Variants in INTS8 observed in about 807,000 individuals in gnomAD.
INTS8 encodes protein kaonashi-1.
In INTS8, 47 loss-of-function variants were observed where a neutral mutation model predicts 138.9. The observed-to-expected ratio is 0.34, with a 90% CI of 0.27 to 0.43. The LOEUF is 0.43. Ranked by LOEUF, INTS8 falls within the 20% of genes least tolerant of loss-of-function variation. The probability of loss-of-function intolerance (pLI) is 1.00; values close to 1 mark genes in which losing one functional copy is unlikely to be tolerated. For missense variants in INTS8, 996 were observed against 1,173.0 expected, an observed-to-expected ratio of 0.85 and a Z score of 2.20; for synonymous variants, 392 against 400.9, an observed-to-expected ratio of 0.98 and a Z score of 0.27.
At chr8:94,865,359 A>G in intron 16 of INTS8, 147 bp from the exon 17 acceptor site, 1 of 612,948 alleles carries the variant, frequency 1.6e-6, no homozygotes, top group Non-Finnish European at 2.8e-6. Flanking sequence ...AATTCCTCAA[A>G]GGTTGTACAG....
chr8:94,853,458 C>T (rs1035907022), intron 13 of INTS8, among the ~76,000 whole-genome samples: 1 of 152,164 alleles, frequency 6.6e-6, no homozygotes, highest in Non-Finnish European at 1.5e-5. Context: ...AGTTATTTAA[C>T]TTCTTTGTGT....
chr8:94,839,025 T>G (rs1815038387), intron 8 of INTS8, among the ~76,000 whole-genome samples: 1 of 152,214 alleles, frequency 6.6e-6, no homozygotes, highest in South Asian at 2.1e-4. Flanking sequence ...TTAATAGCTT[T>G]TAGTTTTACA....
chr8:94,828,900 A>T (rs1814609315), intron 4 of INTS8, 75 bp from the exon 5 acceptor site: 1 of 875,310 alleles, frequency 1.1e-6, no homozygotes, highest in African/African-American at 1.7e-5. Flanking sequence ...TTCAAGAATG[A>T]TGCTCTTAAG....
rs1025262825 is a variant in INTS8, at chr8:94,850,607, G to A, written c.1507+516G>A. 5.1e-4 allele frequency among the ~76,000 whole-genome samples: 41 copies of A among 80,834 alleles called. 1 individual carries two copies. The highest frequency in any genetic ancestry group is 1.9e-3 in the African/African-American group (38 of 20,248). 53.0% of individuals were successfully genotyped at this position (80,834 alleles called of 152,430 possible). ...AGCCTGGGTGACAGAGCGAGACTCC[G>A]ACTCAAAAAAAAAAAAAAAAAAAAG... On this transcript the variant is annotated intron_variant, in intron 12 of 26. Coordinates refer to ENST00000523731, the MANE Select transcript of INTS8 (RefSeq NM_017864.4).
intron 20 of INTS8, among the ~76,000 whole-genome samples, chr8:94,868,966 C>T (rs1816284640): frequency 6.6e-6 from 1 of 150,946 alleles, no homozygotes. Flanking sequence ...GCCACCATGC[C>T]CACCCAGTTT....
Position 94,881,601 on chromosome 8 carries a change from G to T in INTS8, c.*1367G>T. 6.2e-7 allele frequency: 1 copy of T among 1,608,652 alleles called. No homozygotes were observed. Among genetic ancestry groups the T allele is most frequent in the Non-Finnish European group, 8.5e-7 (1 of 1,177,768 alleles). ...GATACCAGTTCTACCCAATCTTGGTGAATTCCAACTTGTTTGCTTAGTTAT... is the reference window on the plus strand; with the variant it reads ...GATACCAGTTCTACCCAATCTTGGTTAATTCCAACTTGTTTGCTTAGTTAT... On this transcript the variant is annotated 3_prime_UTR_variant, in exon 27 of 27. Transcript: ENST00000523731.
At chr8:94,825,440 A>T (rs7465101) in intron 2 of INTS8, among the ~76,000 whole-genome samples, 82,977 of 149,568 alleles carry the variant, frequency 0.55, 23,127 homozygotes, top group East Asian at 0.64. Flanking sequence ...AAAAAAAAAA[A>T]ATAATAAAAT....
chr8:94,856,695 C>T, intron 14 of INTS8, 82 bp from the exon 15 acceptor site: 1 of 1,096,848 alleles, frequency 9.1e-7, no homozygotes. Flanking sequence ...AATCCTTCTC[C>T]TCTTTGCTCT....
chr8:94,834,123 A>G (rs973080175), intron 6 of INTS8, among the ~76,000 whole-genome samples: 2 of 152,152 alleles, frequency 1.3e-5, no homozygotes, highest in Non-Finnish European at 2.9e-5. Flanking sequence ...AAAAAGAAAA[A>G]TTGTTATTTT....
In INTS8 at chr8:94,832,014, C is replaced by T; in HGVS notation, c.593C>T (p.Ser198Phe). The T allele has an allele frequency of 1.2e-6, 2 of 1,600,640 alleles. No homozygotes were observed. The highest frequency in any genetic ancestry group is 1.3e-5 in the African/African-American group (1 of 74,290). ...LKVLKEQAAD[S>F]ILVLEAALKL... ...TAGCTCAAAGAACAAGCTGCTGATT[C>T]TATTTTGGTACTAGAAGCAGCCCTA... The change falls in exon 6 of 27, where the codon TCT (serine) becomes TTT (phenylalanine). Residue 198 changes from serine (S) to phenylalanine (F), a missense_variant. Coordinates refer to ENST00000523731, the MANE Select transcript of INTS8 (RefSeq NM_017864.4).
rs117557734 is a variant in INTS8, at chr8:94,839,760, C to T, written c.1017+1142C>T. On this transcript the variant is annotated intron_variant, in intron 8 of 26. Transcript: ENST00000523731. ...ATTCTTTAACAAGTTGGCTGGGCACCGTGGCTCACACCTGTAATCCCAGCA... is the reference window on the plus strand; with the variant it reads ...ATTCTTTAACAAGTTGGCTGGGCACTGTGGCTCACACCTGTAATCCCAGCA... Among the ~76,000 whole-genome samples, 120 of 152,216 alleles carry T rather than the reference C, an allele frequency of 7.9e-4. 1 individual carries two copies. In the East Asian group the frequency reaches 0.02, roughly 25 times the overall value.
chr8:94,844,763 TTTTTTG>T (rs1178590133), intron 10 of INTS8, among the ~76,000 whole-genome samples: 1 of 151,116 alleles, frequency 6.6e-6, no homozygotes, highest in African/African-American at 2.4e-5. Context: ...TTTTTTTTTT[TTTTTTG>T]TTTGAGACGG....
In INTS8 at chr8:94,849,920, G is replaced by A; in HGVS notation, c.1336G>A (p.Val446Met). ...CAATATTTCTTACTGATCTAGGAAT[G>A]TGTGTCTGGGGTTGGAAGATCTGCA... ...KGNMAAFLKNVCLGLEDLQYV... is the reference protein window; with the variant it reads ...KGNMAAFLKNMCLGLEDLQYV... Residue 446 changes from valine (V) to methionine (M), a missense_variant, in exon 12 of 27, where the codon GTG becomes ATG. Transcript: ENST00000523731. 1.9e-6 allele frequency: 3 copies of A among 1,606,156 alleles called. No homozygotes were observed. Among genetic ancestry groups the A allele is most frequent in the Non-Finnish European group, 2.6e-6 (3 of 1,175,746 alleles).
At position 94,867,410 on chromosome 8, in the gene INTS8, C is replaced by T. The variant is rs921909031; in HGVS notation, c.2414+73C>T. 12 of 1,083,508 alleles carry T rather than the reference C, an allele frequency of 1.1e-5. No individual in the cohort carries two copies. The African/African-American group carries it at 1.6e-4, about 14-fold the overall frequency. The allele number at this position is 1,083,508 out of a possible 1,614,324, so 67.1% of individuals were successfully genotyped here. ...GAAACCATTCTGACTAGTATAGATA[C>T]CCTTAGATAATTTTATTAAAGGGCC... On this transcript the variant is annotated intron_variant, in intron 20 of 26. Transcript: ENST00000523731.
chr8:94,824,921 G>A lies in INTS8; in HGVS notation c.159G>A (p.Gln53=), dbSNP rs1371630382. 1 of 1,611,876 alleles carries A rather than the reference G, an allele frequency of 6.2e-7. No homozygotes were observed. The highest frequency in any genetic ancestry group is 8.5e-7 in the Non-Finnish European group (1 of 1,178,796). Residue 53 remains glutamine, a synonymous_variant, in exon 2 of 27, where the codon CAG becomes CAA. Coordinates refer to ENST00000523731, the MANE Select transcript of INTS8 (RefSeq NM_017864.4). The stretch of plus-strand genomic sequence containing the variant: ...CTGCACCAGTTCAACTTATAGTTCA[G>A]TTTTTGGAACAGGCTTCCAAACCTT... ...PDPAPVQLIV[Q]FLEQASKPSV...
chr8:94,839,431 G>A (rs987351300), intron 8 of INTS8, among the ~76,000 whole-genome samples: 4 of 152,166 alleles, frequency 2.6e-5, no homozygotes, highest in African/African-American at 9.7e-5. Context: ...TAGGAATCAT[G>A]AAATGATAAA....
At chr8:94,839,595 C>T (rs1171099772) in intron 8 of INTS8, among the ~76,000 whole-genome samples, 1 of 152,082 alleles carries the variant, frequency 6.6e-6, no homozygotes, top group African/African-American at 2.4e-5. Flanking sequence ...AAAAGTATTG[C>T]TTTGTCCTAG....
chr8:94,857,545 C>A (rs1815796920), intron 15 of INTS8, among the ~76,000 whole-genome samples: 1 of 152,194 alleles, frequency 6.6e-6, no homozygotes, highest in African/African-American at 2.4e-5. Context: ...TCTCCCAGTT[C>A]TGGAGGCCGG....
chr8:94,825,136 C>G, intron 2 of INTS8, 69 bp downstream of exon 2: 1 of 1,103,294 alleles, frequency 9.1e-7, no homozygotes, highest in Non-Finnish European at 1.3e-6. Context: ...TCTATATATG[C>G]TTTTATGATA....
Sources: allele counts gnomAD v4.1 joint callset (sites outside exome capture counted in the v4.1 genomes callset), GRCh38; gene constraint gnomAD v4.1.1; transcripts MANE v1.5; gene names NCBI Gene and HGNC (gene_info 2026-07-23, HGNC 2026-07-21).